Variants in CPSF2 observed in about 807,000 individuals in gnomAD.
CPSF2 encodes the protein cleavage and polyadenylation specific factor 2.
A neutral mutation model predicts 84.2 loss-of-function variants in CPSF2; 51 were observed. The observed-to-expected ratio is 0.61, with a 90% CI of 0.48 to 0.77. The LOEUF is 0.77. Among genes scored for constraint, CPSF2 ranks in the 30% least tolerant of loss-of-function variants. The pLI is 0.00. For missense variants in CPSF2, 641 were observed against 929.4 expected (o/e 0.69, Z 4.03); for synonymous variants, 286 against 311.9 (o/e 0.92, Z 0.87).
chr14:92,138,179 TA>T (rs1352506131), intron 6 of CPSF2, 52 bp from the exon 7 acceptor site: 2 of 906,932 alleles, frequency 2.2e-6, no homozygotes, highest in Non-Finnish European at 3.4e-6. Flanking sequence ...GAGAAGCTAT[TA>T]TTGTTTACTT....
At chr14:92,125,199 T>A (rs1457414807) in intron 1 of CPSF2, among the ~76,000 whole-genome samples, 1 of 152,042 alleles carries the variant, frequency 6.6e-6, no homozygotes, top group Non-Finnish European at 1.5e-5. Context: ...AACCCAAACA[T>A]AAGGTAGTGA....
chr14:92,155,036 A>G, intron 10 of CPSF2, 87 bp from the exon 11 acceptor site: 1 of 839,634 alleles, frequency 1.2e-6, no homozygotes, highest in East Asian at 2.7e-5. Flanking sequence ...AATAATATTG[A>G]GTATGGATTC....
In CPSF2 at chr14:92,171,177, A is replaced by G. The variant is rs1230947399; in HGVS notation, c.*9433A>G. On this transcript the variant is annotated 3_prime_UTR_variant, in exon 16 of 16. Coordinates refer to ENST00000298875, the MANE Select transcript of CPSF2 (RefSeq NM_017437.3). ...TGTCTTGCTCTGTTGCCCAGGCTAC[A>G]GTGCAGTGATGAGATCATAGCCCAC... The G allele has an allele frequency of 6.6e-6, 1 of 152,146 alleles. No individual in the cohort carries two copies. The highest frequency in any genetic ancestry group is 1.5e-5 in the Non-Finnish European group (1 of 68,042). 9.4% of individuals were successfully genotyped at this position (152,146 alleles called of 1,614,324 possible). A position where few individuals can be genotyped will look rare whatever the true frequency, so the allele number is the denominator to read the frequency against.
At chr14:92,152,857 C>T (rs1438646970) in intron 9 of CPSF2, among the ~76,000 whole-genome samples, 2 of 152,022 alleles carry the variant, frequency 1.3e-5, no homozygotes, top group Non-Finnish European at 2.9e-5. Context: ...TTGGGGTTCT[C>T]TAATTTTTAG....
rs1370316422 is a variant in CPSF2 at position 92,161,168 on chromosome 14, A to G, written c.2178A>G (p.Gln726=). 3.1e-6 allele frequency: 5 copies of G among 1,613,956 alleles called. No individual in the cohort carries two copies. Among genetic ancestry groups the G allele is most frequent in the Admixed American group, 1.7e-5 (1 of 59,968 alleles). ...MNEPRLSDFK[Q]VLLREGIQAE... Reference sequence around the variant, plus strand: ...AACCAAGGCTGTCAGACTTCAAGCAAGTTCTCTTACGGGAGGGGATTCAAG... The same window carrying G: ...AACCAAGGCTGTCAGACTTCAAGCAGGTTCTCTTACGGGAGGGGATTCAAG... The change falls in exon 15 of 16, where the codon CAA becomes CAG. Residue 726 remains glutamine, a synonymous_variant. Coordinates refer to ENST00000298875, the MANE Select transcript of CPSF2 (RefSeq NM_017437.3).
At chr14:92,146,563 T>G (rs2069147181) in intron 9 of CPSF2, among the ~76,000 whole-genome samples, 2 of 152,110 alleles carry the variant, frequency 1.3e-5, no homozygotes, top group African/African-American at 4.8e-5. Flanking sequence ...TCTTAACCAT[T>G]TTTATGTGTA....
At chr14:92,122,253 C>T (rs1455713818) in intron 1 of CPSF2, 125 bp downstream of exon 1, 4 of 281,468 alleles carry the variant, frequency 1.4e-5, no homozygotes, top group Non-Finnish European at 2.8e-5. Flanking sequence ...GCCGCTTCGG[C>T]TGCGACTGTC....
Position 92,165,854 on chromosome 14 carries a change from C to CTTTTTTTTTTTTTTTTTTTTTTTTT in CPSF2, c.*4111_*4135dup, listed in dbSNP as rs71461958. On this transcript the variant is annotated 3_prime_UTR_variant, in exon 16 of 16. Transcript: ENST00000298875. ...CAGTTCTTTGTGCTTGGTTTTATAT[C>CTTTTTTTTTTTTTTTTTTTTTTTTT]TTTTTTTTTTTTTTTTTTTTTTTTT... The CTTTTTTTTTTTTTTTTTTTTTTTTT allele has an allele frequency of 7.1e-4, 36 of 50,636 alleles. 6 individuals are homozygous for CTTTTTTTTTTTTTTTTTTTTTTTTT. The highest frequency in any genetic ancestry group is 5.4e-3 in the East Asian group (4 of 744). 3.1% of individuals were successfully genotyped at this position (50,636 alleles called of 1,614,324 possible).
rs143650111 is a variant in CPSF2 at position 92,158,305 on chromosome 14, G to A, written c.1821+421G>A. On this transcript the variant is annotated intron_variant, in intron 13 of 15. Coordinates refer to ENST00000298875, the MANE Select transcript of CPSF2 (RefSeq NM_017437.3). ...ATTCAAAAGTTTTAGAAGAATTCCC[G>A]GATATCAAGGTTCTACTCCTAATTG... 3.4e-3 allele frequency among the ~76,000 whole-genome samples: 517 copies of A among 152,172 alleles called. 1 individual carries two copies. Among genetic ancestry groups the A allele is most frequent in the Non-Finnish European group, 5.1e-3 (344 of 68,000 alleles).
rs1255512273 is a variant in CPSF2, at chr14:92,159,039, TGAATTA to T, written c.1880_1885del (p.Glu627_Leu628del). The T allele has an allele frequency of 1.2e-6, 2 of 1,613,984 alleles. No individual in the cohort carries two copies. The highest frequency in any genetic ancestry group is 1.7e-6 in the Non-Finnish European group (2 of 1,179,984). The stretch of plus-strand genomic sequence containing the variant: ...TTCAGTTTTGTAAGGCAAAAGATGC[TGAATTA>T]GCTTGGATAGATGGTGTCTTAGATA... On this transcript the variant is annotated inframe_deletion, in exon 14 of 16. Transcript: ENST00000298875.
At chr14:92,138,497 T>C (rs2069030271) in intron 7 of CPSF2, 150 bp downstream of exon 7, 1 of 440,050 alleles carries the variant, frequency 2.3e-6, no homozygotes, top group Non-Finnish European at 4.0e-6. Flanking sequence ...TGGCGCGATC[T>C]CGGCTCACTG....
rs150615771 is a variant in CPSF2 at position 92,131,811 on chromosome 14, C to T, written c.149+678C>T. ...CCGAGATCGTACCACTACACTCCAG[C>T]CTGGGCGCAAAGCAAGACTCTGTTT... On this transcript the variant is annotated intron_variant, in intron 3 of 15. Coordinates refer to ENST00000298875, the MANE Select transcript of CPSF2 (RefSeq NM_017437.3). Among the ~76,000 whole-genome samples the T allele has an allele frequency of 5.2e-3, 785 of 151,896 alleles. 2 individuals are homozygous for T. Among genetic ancestry groups the T allele is most frequent in the Non-Finnish European group, 8.2e-3 (559 of 67,980 alleles).
At position 92,127,260 on chromosome 14, in the gene CPSF2, A is replaced by G. The variant is rs931766923; in HGVS notation, c.-35+1080A>G. On this transcript the variant is annotated intron_variant, in intron 2 of 15. Coordinates refer to ENST00000298875, the MANE Select transcript of CPSF2 (RefSeq NM_017437.3). ...TAGAATGATGTTGTAATGGATGTGA[A>G]GAAGGACTTTAGGGTGGTCAGAGAA... 3.9e-5 allele frequency among the ~76,000 whole-genome samples: 6 copies of G among 152,344 alleles called. No individual in the cohort carries two copies. In the East Asian group the frequency reaches 7.7e-4, roughly 20 times the overall value.
intron 1 of CPSF2, among the ~76,000 whole-genome samples, chr14:92,125,196 A>T (rs11847171): frequency 0.096 from 14,612 of 152,156 alleles, 779 homozygotes; most frequent in East Asian, 0.14. Context: ...AGAAACCCAA[A>T]CATAAGGTAG....
chr14:92,135,204 G>A (rs573855115), intron 5 of CPSF2, among the ~76,000 whole-genome samples, 163 bp from the exon 6 acceptor site: 39 of 152,274 alleles, frequency 2.6e-4, no homozygotes, highest in African/African-American at 9.1e-4. Context: ...GAGTAGGTGG[G>A]GGACAGGAGA....
chr14:92,127,449 T>G (rs148218236), intron 2 of CPSF2, among the ~76,000 whole-genome samples: 5 of 152,320 alleles, frequency 3.3e-5, no homozygotes, highest in East Asian at 3.9e-4. Context: ...TTGATAAACC[T>G]CTATACAACT....
intron 6 of CPSF2, 80 bp from the exon 7 acceptor site, chr14:92,138,152 G>T: frequency 1.6e-6 from 1 of 615,528 alleles, no homozygotes; most frequent in South Asian, 3.0e-5. Context: ...AAATGAAGCT[G>T]CTTATTTTTT....
chr14:92,161,689 G>C lies in CPSF2; in HGVS notation c.2294G>C (p.Cys765Ser). Reference sequence around the variant, plus strand: ...CGCATTGGATTAGAAGGCTGCCTTTGTCAAGATTTTTATAGGATAAGAGAC... The same window carrying C: ...CGCATTGGATTAGAAGGCTGCCTTTCTCAAGATTTTTATAGGATAAGAGAC... Reference protein sequence around the residue: ...TGRIGLEGCLCQDFYRIRDLL... With the variant: ...TGRIGLEGCLSQDFYRIRDLL... The change falls in exon 16 of 16, where the codon TGT becomes TCT. Residue 765 changes from cysteine (C) to serine (S), a missense_variant. Physicochemically the swap from Cys to Ser is moderately radical, Grantham distance 112. Around this residue, in one of 2 missense-constraint regions of CPSF2, gnomAD observed 430 missense variants for 553.6 expected, o/e 0.78. Coordinates refer to ENST00000298875, the MANE Select transcript of CPSF2 (RefSeq NM_017437.3). The C allele has an allele frequency of 6.3e-7, 1 of 1,595,628 alleles. No homozygotes were observed. Among genetic ancestry groups the C allele is most frequent in the Non-Finnish European group, 8.5e-7 (1 of 1,174,434 alleles).
In CPSF2 at chr14:92,142,238, C is replaced by G. The variant is rs768446704; in HGVS notation, c.736C>G (p.Leu246Val). 6.2e-7 allele frequency: 1 copy of G among 1,614,030 alleles called. No homozygotes were observed. Among genetic ancestry groups the G allele is most frequent in the African/African-American group, 1.3e-5 (1 of 75,054 alleles). Residue 246 changes from leucine (L) to valine (V), a missense_variant, in exon 8 of 16, where the codon CTT becomes GTT. By Grantham distance (32) the Leu-to-Val change is conservative. Transcript: ENST00000298875. The part of the protein sequence containing the change: ...AVDTAGRVLE[L>V]AQLLDQIWRT... Reference sequence around the variant, plus strand: ...GGACACAGCAGGCAGAGTTTTGGAACTTGCTCAACTTCTTGATCAGATTTG... The same window carrying G: ...GGACACAGCAGGCAGAGTTTTGGAAGTTGCTCAACTTCTTGATCAGATTTG...
Sources: gnomAD v4.1 joint callset for allele counts (sites outside exome capture counted in the v4.1 genomes callset) on GRCh38, gnomAD v4.1.1 for gene constraint, gnomAD v4.1.1 regional missense constraint, MANE v1.5 for transcripts, NCBI Gene and HGNC (gene_info 2026-07-23, HGNC 2026-07-21) for gene names.